The following CNTN5 variants were observed in gnomAD, a reference collection of about 807,000 sequenced individuals.
CNTN5 encodes contactin 5, also known as contactin-5.
Under a neutral mutation model 129.1 loss-of-function variants are expected in CNTN5, and 77 were observed. The observed-to-expected ratio is 0.60, with a 90% confidence interval of 0.50 to 0.72. The LOEUF is 0.72. Ranked by LOEUF, CNTN5 falls within the 30% of genes least tolerant of loss-of-function variation. The pLI is 0.00. For synonymous variants in CNTN5, 509 were observed against 465.6 expected, an observed-to-expected ratio of 1.09 and a Z score of -1.20; for missense variants, 1,478 against 1,328.8, an observed-to-expected ratio of 1.11 and a Z score of -1.75.
chr11:99,812,121 A>G (rs1202240987), intron 3 of CNTN5, among the ~76,000 whole-genome samples: 1 of 152,148 alleles, frequency 6.6e-6, no homozygotes, highest in Non-Finnish European at 1.5e-5. Flanking sequence ...AACCCTGAAC[A>G]GGAATATGGA....
chr11:99,829,196 T>C (rs1947061857), intron 4 of CNTN5, among the ~76,000 whole-genome samples: 1 of 152,208 alleles, frequency 6.6e-6, no homozygotes, highest in African/African-American at 2.4e-5. Flanking sequence ...AAAATACATA[T>C]TCTAATCTAC....
chr11:100,050,802 T>C (rs1942917046), intron 9 of CNTN5, among the ~76,000 whole-genome samples: 1 of 152,080 alleles, frequency 6.6e-6, no homozygotes, highest in Non-Finnish European at 1.5e-5. Context: ...AGTATCTTAA[T>C]ATCAAAGTAT....
At chr11:99,097,624 GAATT>G (rs1327045317) in intron 1 of CNTN5, among the ~76,000 whole-genome samples, 2 of 151,716 alleles carry the variant, frequency 1.3e-5, no homozygotes, top group Non-Finnish European at 3.0e-5. Flanking sequence ...TATTCTAGGT[GAATT>G]AATATTAGAA....
intron 9 of CNTN5, among the ~76,000 whole-genome samples, chr11:100,035,798 G>A (rs1268558577): frequency 6.6e-6 from 1 of 151,834 alleles, no homozygotes; most frequent in African/African-American, 2.4e-5. Context: ...CATATCCTTT[G>A]CCCACTTTTT....
At chr11:99,219,023 AT>A (rs942515859) in intron 1 of CNTN5, among the ~76,000 whole-genome samples, 2 of 152,052 alleles carry the variant, frequency 1.3e-5, no homozygotes, top group Admixed American at 6.6e-5. Flanking sequence ...TTAATATGAA[AT>A]AAAAATAACA....
intron 1 of CNTN5, among the ~76,000 whole-genome samples, chr11:99,093,887 G>A (rs565771533): frequency 1.0e-3 from 153 of 151,964 alleles, no homozygotes; most frequent in African/African-American, 3.5e-3. Flanking sequence ...TTTCAAATTA[G>A]TGCCCTTTCC....
intron 7 of CNTN5, among the ~76,000 whole-genome samples, chr11:99,929,338 T>C (rs1480387779): frequency 6.6e-6 from 1 of 152,178 alleles, no homozygotes; most frequent in Non-Finnish European, 1.5e-5. Flanking sequence ...TTGGAACTGT[T>C]CCAACCTCTG....
intron 3 of CNTN5, among the ~76,000 whole-genome samples, chr11:99,673,476 A>T (rs1322475955): frequency 6.6e-6 from 1 of 152,098 alleles, no homozygotes; most frequent in Non-Finnish European, 1.5e-5. Context: ...TGTGTGCAGG[A>T]TATGAAGGTT....
chr11:99,939,513 C>T (rs1950387603), intron 7 of CNTN5, among the ~76,000 whole-genome samples: 2 of 152,048 alleles, frequency 1.3e-5, no homozygotes, highest in South Asian at 4.1e-4. Flanking sequence ...AACTGAAAAA[C>T]TCTTTTAATG....
At chr11:99,879,525 G>T (rs987567531) in intron 6 of CNTN5, among the ~76,000 whole-genome samples, 1 of 152,104 alleles carries the variant, frequency 6.6e-6, no homozygotes, top group African/African-American at 2.4e-5. Flanking sequence ...AATGCTACAG[G>T]TTTAAGAAAC....
At chr11:99,411,843 C>T (rs775821714) in intron 2 of CNTN5, among the ~76,000 whole-genome samples, 2 of 152,188 alleles carry the variant, frequency 1.3e-5, no homozygotes, top group African/African-American at 2.4e-5. Context: ...TCATTTCTTA[C>T]ATATGGTTGA....
chr11:100,112,452 A>G (rs866707972), intron 13 of CNTN5, among the ~76,000 whole-genome samples: 7 of 152,196 alleles, frequency 4.6e-5, no homozygotes, highest in African/African-American at 1.4e-4. Flanking sequence ...ACATGAATTA[A>G]TGATATTAAC....
intron 23 of CNTN5, among the ~76,000 whole-genome samples, chr11:100,344,171 A>G (rs1234081709): frequency 6.6e-6 from 1 of 152,100 alleles, no homozygotes; most frequent in African/African-American, 2.4e-5. Context: ...TGGAGGTTTG[A>G]GGCTGAGAAC....
At chr11:99,683,239 T>C (rs570346433) in intron 3 of CNTN5, among the ~76,000 whole-genome samples, 2 of 151,868 alleles carry the variant, frequency 1.3e-5, no homozygotes, top group South Asian at 2.1e-4. Context: ...CATAAAGATA[T>C]TGCCCTGTGT....
At chr11:100,173,868 C>T (rs1947889120) in intron 13 of CNTN5, among the ~76,000 whole-genome samples, 1 of 152,108 alleles carries the variant, frequency 6.6e-6, no homozygotes, top group African/African-American at 2.4e-5. Flanking sequence ...CCTGCTCATT[C>T]TGTCCTACTT....
chr11:100,138,206 G>C (rs1358157256), intron 13 of CNTN5, among the ~76,000 whole-genome samples: 1 of 151,144 alleles, frequency 6.6e-6, no homozygotes, highest in East Asian at 2.0e-4. Flanking sequence ...AATCCAACTT[G>C]AAATGTTCTG....
At chr11:99,422,622 G>A (rs1001488275) in intron 2 of CNTN5, among the ~76,000 whole-genome samples, 1 of 148,346 alleles carries the variant, frequency 6.7e-6, no homozygotes, top group Non-Finnish European at 1.5e-5. Flanking sequence ...GGTTTGTTAC[G>A]TATGTAAAAC....
At chr11:100,134,559 G>A (rs1213318541) in intron 13 of CNTN5, among the ~76,000 whole-genome samples, 1 of 152,004 alleles carries the variant, frequency 6.6e-6, no homozygotes, top group South Asian at 2.1e-4. Flanking sequence ...TCAATCAATT[G>A]GGTTCATTGG....
chr11:99,802,185 T>C (rs1326048474), intron 3 of CNTN5, among the ~76,000 whole-genome samples: 1 of 152,226 alleles, frequency 6.6e-6, no homozygotes, highest in Non-Finnish European at 1.5e-5. Flanking sequence ...CGTTTTAAAT[T>C]GGGCTGTTCA....
Sources: allele counts gnomAD v4.1 joint callset (sites outside exome capture counted in the v4.1 genomes callset), GRCh38; gene constraint gnomAD v4.1.1; transcripts MANE v1.5; gene names NCBI Gene and HGNC (gene_info 2026-07-23, HGNC 2026-07-21).